The following RASAL2 variants were observed in gnomAD, a reference collection of about 807,000 sequenced individuals.
RASAL2 encodes the protein RAS protein activator like 2.
A neutral mutation model predicts 128.9 loss-of-function variants in RASAL2; 58 were observed. That is an observed-to-expected ratio of 0.45 (90% confidence interval 0.36 to 0.56). RASAL2 has a LOEUF of 0.56. Ranked by LOEUF, RASAL2 falls within the 20% of genes least tolerant of loss-of-function variation. The pLI is 0.00. For synonymous variants in RASAL2, 561 were observed against 580.8 expected (o/e 0.97, Z 0.49); for missense variants, 1,360 against 1,601.6 (o/e 0.85, Z 2.57).
chr1:178,319,564 C>G (rs1300695118), intron 3 of RASAL2, among the ~76,000 whole-genome samples: 1 of 147,768 alleles, frequency 6.8e-6, no homozygotes. Context: ...TTGCTGATAC[C>G]CTTTCTTCCA....
intron 1 of RASAL2, among the ~76,000 whole-genome samples, chr1:178,251,717 A>C (rs1459067393): frequency 6.6e-6 from 1 of 152,204 alleles, no homozygotes; most frequent in South Asian, 2.1e-4. Flanking sequence ...AGTGGCTACT[A>C]TGTGTATGGC....
At chr1:178,263,833 G>A (rs1462882168) in intron 1 of RASAL2, among the ~76,000 whole-genome samples, 1 of 152,110 alleles carries the variant, frequency 6.6e-6, no homozygotes, top group East Asian at 1.9e-4. Context: ...GGGATTACAG[G>A]CCATATGCCA....
chr1:178,402,998 AT>A (rs1673748429), intron 4 of RASAL2, among the ~76,000 whole-genome samples: 1 of 152,136 alleles, frequency 6.6e-6, no homozygotes, highest in Non-Finnish European at 1.5e-5. Context: ...ATTTCTCATT[AT>A]TATATTCCTT....
At chr1:178,343,808 A>G (rs1455902754) in intron 3 of RASAL2, among the ~76,000 whole-genome samples, 1 of 152,100 alleles carries the variant, frequency 6.6e-6, no homozygotes, top group African/African-American at 2.4e-5. Flanking sequence ...AAAAAAAACA[A>G]TAAAAAGGTG....
At position 178,276,444 on chromosome 1, in the gene RASAL2, T is replaced by C. The variant is rs189732386; in HGVS notation, c.203-7120T>C. ...CTAGGTCTTAAGCAGACAACATTAATACATTTATAAAATAATTTGAGCATA... is the reference window on the plus strand; with the variant it reads ...CTAGGTCTTAAGCAGACAACATTAACACATTTATAAAATAATTTGAGCATA... On this transcript the variant is annotated intron_variant, in intron 1 of 17. Transcript: ENST00000367649. Among the ~76,000 whole-genome samples, 382 of 152,290 alleles carry C rather than the reference T, an allele frequency of 2.5e-3. 1 individual carries two copies. The highest frequency in any genetic ancestry group is 3.7e-3 in the Non-Finnish European group (251 of 68,024).
intron 3 of RASAL2, among the ~76,000 whole-genome samples, chr1:178,379,933 C>T (rs1044028275): frequency 5.3e-5 from 8 of 152,220 alleles, no homozygotes; most frequent in African/African-American, 1.4e-4. Flanking sequence ...GAGACAGGGT[C>T]TCACTCTTGT....
chr1:178,467,284 G>A (rs923636966), intron 16 of RASAL2, 50 bp from the exon 17 acceptor site: 17 of 1,459,076 alleles, frequency 1.2e-5, no homozygotes, highest in Non-Finnish European at 1.6e-5. Context: ...CTCTACACTA[G>A]CTAGCCCTTT....
intron 2 of RASAL2, among the ~76,000 whole-genome samples, chr1:178,291,340 A>G (rs1182723345): frequency 6.6e-6 from 1 of 152,220 alleles, no homozygotes; most frequent in African/African-American, 2.4e-5. Context: ...GACCAGGGAA[A>G]GGGTATTTAG....
At chr1:178,222,263 A>G (rs1367145411) in intron 1 of RASAL2, among the ~76,000 whole-genome samples, 1 of 152,092 alleles carries the variant, frequency 6.6e-6, no homozygotes, top group African/African-American at 2.4e-5. Context: ...TGGATTATTA[A>G]TATCTACCAT....
At chr1:178,261,361 C>T (rs1477726590) in intron 1 of RASAL2, among the ~76,000 whole-genome samples, 1 of 152,128 alleles carries the variant, frequency 6.6e-6, no homozygotes, top group Non-Finnish European at 1.5e-5. Flanking sequence ...CAACTTAGCT[C>T]TACATATCTT....
intron 1 of RASAL2, among the ~76,000 whole-genome samples, chr1:178,208,386 C>T (rs992557695): frequency 3.9e-5 from 6 of 152,046 alleles, no homozygotes; most frequent in Admixed American, 1.3e-4. Context: ...TATAAACAGC[C>T]GCTCTGGGAG....
At chr1:178,400,504 C>T (rs1427416284) in intron 4 of RASAL2, among the ~76,000 whole-genome samples, 1 of 152,054 alleles carries the variant, frequency 6.6e-6, no homozygotes, top group African/African-American at 2.4e-5. Context: ...GTTGCCTTCC[C>T]TAGTCTGTGA....
intron 1 of RASAL2, among the ~76,000 whole-genome samples, chr1:178,254,390 A>G (rs957688957): frequency 1.3e-5 from 2 of 152,196 alleles, no homozygotes; most frequent in Non-Finnish European, 2.9e-5. Flanking sequence ...TAATGTCTGG[A>G]TTATGTCAAC....
chr1:178,237,375 T>TTTGGAAGCCATCAGCCCATGGAC (rs1664299967), intron 1 of RASAL2, among the ~76,000 whole-genome samples: 1 of 152,034 alleles, frequency 6.6e-6, no homozygotes, highest in South Asian at 2.1e-4. Context: ...AGGATATACA[T>TTTGGAAGCCATCAGCCCATGGAC]TTGGAAGCCA....
intron 8 of RASAL2, among the ~76,000 whole-genome samples, chr1:178,444,399 A>C (rs750865555): frequency 3.3e-5 from 5 of 152,142 alleles, no homozygotes; most frequent in Non-Finnish European, 7.4e-5. Flanking sequence ...AGTGATTCCT[A>C]AGTCTACAAC....
intron 3 of RASAL2, among the ~76,000 whole-genome samples, chr1:178,306,565 T>C (rs1404562067): frequency 2.6e-5 from 4 of 151,744 alleles, no homozygotes; most frequent in African/African-American, 9.7e-5. Flanking sequence ...ACCTGTTGTT[T>C]CCTGACTTTT....
chr1:178,191,032 A>G (rs1662476693), intron 1 of RASAL2, among the ~76,000 whole-genome samples: 1 of 152,168 alleles, frequency 6.6e-6, no homozygotes, highest in African/African-American at 2.4e-5. Context: ...AATATGTGCC[A>G]CAGAATGTGA....
chr1:178,268,700 C>G (rs1296663501), intron 1 of RASAL2, among the ~76,000 whole-genome samples: 2 of 152,052 alleles, frequency 1.3e-5, no homozygotes, highest in African/African-American at 2.4e-5. Context: ...CTCAAATGAC[C>G]CCCCTGCCTT....
chr1:178,466,975 A>C (rs1208257304), intron 16 of RASAL2, among the ~76,000 whole-genome samples: 1 of 152,230 alleles, frequency 6.6e-6, no homozygotes, highest in Non-Finnish European at 1.5e-5. Flanking sequence ...TTAGCTGTGC[A>C]AGGGAAGAGA....
Sources: allele counts gnomAD v4.1 joint callset (sites outside exome capture counted in the v4.1 genomes callset), GRCh38; gene constraint gnomAD v4.1.1; transcripts MANE v1.5; gene names NCBI Gene and HGNC (gene_info 2026-07-23, HGNC 2026-07-21).